Variants in CACNB4 observed in about 807,000 individuals in gnomAD.
The protein encoded by CACNB4 is calcium voltage-gated channel auxiliary subunit beta 4, also known as voltage-dependent L-type calcium channel subunit beta-4.
Under a neutral mutation model 71.2 loss-of-function variants are expected in CACNB4, and 32 were observed. The ratio of observed to expected loss-of-function variants is 0.45; its 90% confidence interval spans 0.34 to 0.60. The LOEUF (loss-of-function observed/expected upper bound fraction) is 0.60, where lower values mean the gene tolerates loss of function less well. Among genes scored for constraint, CACNB4 ranks in the 20% least tolerant of loss-of-function variants. The pLI is 0.01. For synonymous variants in CACNB4, 231 were observed against 236.9 expected (o/e 0.97, Z 0.23); for missense variants, 464 against 647.9 (o/e 0.72, Z 3.08).
intron 3 of CACNB4, among the ~76,000 whole-genome samples, chr2:151,881,481 A>T (rs529782957): frequency 1.3e-5 from 2 of 152,352 alleles, no homozygotes; most frequent in South Asian, 4.1e-4. Context: ...TAGCTAACGA[A>T]GCTGGTTTTG....
chr2:151,835,676 T>C lies in CACNB4; in HGVS notation c.*3443A>G, dbSNP rs1395721022. On this transcript the variant is annotated 3_prime_UTR_variant, in exon 14 of 14. Coordinates refer to ENST00000539935, the MANE Select transcript of CACNB4 (RefSeq NM_000726.5). ...TTAAAGAATTTAAATTTGCAAACCA[T>C]CTTTTAGCATAATTTCCTTTTCTTA... 6.6e-6 allele frequency: 1 copy of C among 151,894 alleles called. No homozygotes were observed. Among genetic ancestry groups the C allele is most frequent in the Non-Finnish European group, 1.5e-5 (1 of 67,766 alleles). The allele number at this position is 151,894 out of a possible 1,614,324, so 9.4% of individuals were successfully genotyped here.
chr2:151,913,756 ACTC>A (rs1212901187), intron 2 of CACNB4, among the ~76,000 whole-genome samples: 2 of 95,686 alleles, frequency 2.1e-5, no homozygotes, highest in African/African-American at 8.0e-5. Flanking sequence ...ACAGAGCGAG[ACTC>A]CATCTCAAAA....
intron 2 of CACNB4, among the ~76,000 whole-genome samples, chr2:152,009,698 C>T (rs1024727600): frequency 6.6e-6 from 1 of 152,204 alleles, no homozygotes; most frequent in African/African-American, 2.4e-5. Flanking sequence ...CAGTGCAATG[C>T]ACGGGTGCCT....
Position 151,917,562 on chromosome 2 carries a change from T to C in CACNB4, c.148-34192A>G, listed in dbSNP as rs147692511. On this transcript the variant is annotated intron_variant, in intron 2 of 13. Coordinates refer to ENST00000539935, the MANE Select transcript of CACNB4 (RefSeq NM_000726.5). ...GATATACACAAGATTTCTGGCCAGG[T>C]GCAGTGGCTCATGCCTGTAATCTCA... Among the ~76,000 whole-genome samples, 162 of 152,200 alleles carry C rather than the reference T, an allele frequency of 1.1e-3. 2 individuals are homozygous for C. In the East Asian group the frequency reaches 0.027, roughly 25 times the overall value.
intron 2 of CACNB4, among the ~76,000 whole-genome samples, chr2:151,930,343 A>T (rs916239964): frequency 6.6e-6 from 1 of 152,176 alleles, no homozygotes; most frequent in African/African-American, 2.4e-5. Context: ...TTATTCTCCT[A>T]AAGACTTAAA....
chr2:151,878,413 C>A (rs942488033), intron 4 of CACNB4, among the ~76,000 whole-genome samples: 12 of 152,026 alleles, frequency 7.9e-5, no homozygotes, highest in African/African-American at 2.7e-4. Flanking sequence ...TATGAGATTG[C>A]ATTGAAATAA....
intron 2 of CACNB4, among the ~76,000 whole-genome samples, chr2:152,076,136 C>CTTTTTTTTTT (rs35400714): frequency 7.0e-5 from 5 of 71,198 alleles, no homozygotes; most frequent in Non-Finnish European, 1.3e-4. Context: ...CACCTCTTTT[C>CTTTTTTTTTT]TTTTTTTTTT....
At chr2:151,965,810 A>G (rs2099870944) in intron 2 of CACNB4, among the ~76,000 whole-genome samples, 1 of 152,088 alleles carries the variant, frequency 6.6e-6, no homozygotes, top group Non-Finnish European at 1.5e-5. Context: ...CACCATGGGT[A>G]TTGGCAAGCG....
chr2:151,873,552 AAGTC>A (rs570036752), intron 5 of CACNB4: 2 of 152,190 alleles, frequency 1.3e-5, no homozygotes, highest in Non-Finnish European at 2.9e-5. Flanking sequence ...AGAGAAAACT[AAGTC>A]AGGGAAGGGA....
At chr2:151,980,653 G>A (rs2099874542) in intron 2 of CACNB4, among the ~76,000 whole-genome samples, 1 of 152,128 alleles carries the variant, frequency 6.6e-6, no homozygotes. Flanking sequence ...ACAAAACAGT[G>A]CAGTGACTGG....
At chr2:151,877,806 C>A (rs1007238812) in intron 4 of CACNB4, among the ~76,000 whole-genome samples, 3 of 152,200 alleles carry the variant, frequency 2.0e-5, no homozygotes, top group Non-Finnish European at 4.4e-5. Context: ...AGTTCCATGA[C>A]AAGCAAACTC....
intron 2 of CACNB4, among the ~76,000 whole-genome samples, chr2:152,044,675 T>C (rs1310914806): frequency 1.3e-5 from 2 of 152,208 alleles, no homozygotes; most frequent in Non-Finnish European, 2.9e-5. Flanking sequence ...AAATGAAATA[T>C]GTCCAATATT....
chr2:151,856,151 G>GTTTT (rs59011015), intron 10 of CACNB4, among the ~76,000 whole-genome samples: 37 of 140,860 alleles, frequency 2.6e-4, no homozygotes, highest in Non-Finnish European at 4.4e-4. Flanking sequence ...AAGCAATCCA[G>GTTTT]TTTTTTTTTT....
intron 2 of CACNB4, among the ~76,000 whole-genome samples, chr2:151,933,551 C>T (rs945941002): frequency 6.6e-6 from 1 of 152,044 alleles, no homozygotes; most frequent in African/African-American, 2.4e-5. Context: ...GCAATGCATT[C>T]AAGATCACAC....
At chr2:152,062,394 C>A (rs1171352944) in intron 2 of CACNB4, among the ~76,000 whole-genome samples, 3 of 152,184 alleles carry the variant, frequency 2.0e-5, no homozygotes, top group African/African-American at 7.2e-5. Flanking sequence ...TCTTCTAAAT[C>A]ATTTTATTTC....
intron 5 of CACNB4, among the ~76,000 whole-genome samples, chr2:151,875,702 G>A (rs1170399356): frequency 5.2e-5 from 3 of 57,846 alleles, no homozygotes; most frequent in East Asian, 5.8e-4. Flanking sequence ...CCGGACGGGC[G>A]GCTGGCCGGG....
intron 2 of CACNB4, among the ~76,000 whole-genome samples, chr2:151,925,013 T>G (rs955022744): frequency 6.6e-6 from 1 of 152,234 alleles, no homozygotes; most frequent in Non-Finnish European, 1.5e-5. Flanking sequence ...ATATTTGTAT[T>G]GTACTCAGCT....
intron 2 of CACNB4, among the ~76,000 whole-genome samples, chr2:152,017,598 CTTG>C (rs1483237061): frequency 6.6e-6 from 1 of 151,592 alleles, no homozygotes; most frequent in Non-Finnish European, 1.5e-5. Context: ...GTCCCAGCTA[CTTG>C]GGAGGCTGAG....
At chr2:152,037,449 C>T (rs187379828) in intron 2 of CACNB4, among the ~76,000 whole-genome samples, 1 of 152,318 alleles carries the variant, frequency 6.6e-6, no homozygotes, top group Admixed American at 6.5e-5. Flanking sequence ...ACAGAGGAAT[C>T]GTGCCGTTCT....
Sources: gnomAD v4.1 joint callset for allele counts (sites outside exome capture counted in the v4.1 genomes callset) on GRCh38, gnomAD v4.1.1 for gene constraint, MANE v1.5 for transcripts, NCBI Gene and HGNC (gene_info 2026-07-23, HGNC 2026-07-21) for gene names.